The following WWOX variants were observed in gnomAD, a reference collection of about 807,000 sequenced individuals.
WWOX encodes the protein WW domain containing oxidoreductase.
In WWOX, 69 loss-of-function variants were observed where a neutral mutation model predicts 46.2. The observed-to-expected ratio is 1.49, with a 90% CI of 1.23 to 1.82. The LOEUF is 1.82. Ranked by LOEUF, WWOX falls within the 40% of genes most tolerant of loss-of-function variation. The probability of loss-of-function intolerance (pLI) is 0.00; values close to 1 mark genes in which losing one functional copy is unlikely to be tolerated. For synonymous variants in WWOX, 359 were observed against 202.6 expected (o/e 1.77, Z -6.56); for missense variants, 919 against 542.6 (o/e 1.69, Z -6.89).
chr16:78,919,287 G>C (rs903568006), intron 8 of WWOX, among the ~76,000 whole-genome samples: 5 of 151,912 alleles, frequency 3.3e-5, no homozygotes, highest in African/African-American at 1.2e-4. Flanking sequence ...AGATGGCTAA[G>C]CAGAGGCTCA....
chr16:78,602,053 C>T (rs911140731), intron 8 of WWOX, among the ~76,000 whole-genome samples: 8 of 152,148 alleles, frequency 5.3e-5, no homozygotes, highest in African/African-American at 1.9e-4. Flanking sequence ...ATGCAGACTT[C>T]CTTAGGTTCC....
intron 3 of WWOX, among the ~76,000 whole-genome samples, chr16:78,112,974 C>T (rs894440791): frequency 6.6e-6 from 1 of 152,056 alleles, no homozygotes; most frequent in Admixed American, 6.6e-5. Flanking sequence ...CCAAAGCATT[C>T]ATATTACAGG....
intron 8 of WWOX, among the ~76,000 whole-genome samples, chr16:78,803,904 A>T (rs750692789): frequency 6.6e-6 from 1 of 152,154 alleles, no homozygotes; most frequent in Admixed American, 6.5e-5. Flanking sequence ...TCACCAGACA[A>T]ACAGGTGTGT....
At chr16:79,186,938 C>T (rs1276674557) in intron 8 of WWOX, among the ~76,000 whole-genome samples, 1 of 152,172 alleles carries the variant, frequency 6.6e-6, no homozygotes, top group Non-Finnish European at 1.5e-5. Flanking sequence ...CAAAAGTAGA[C>T]ATGTGGAGTG....
chr16:78,794,158 G>C (rs1052681093), intron 8 of WWOX, among the ~76,000 whole-genome samples: 3 of 152,202 alleles, frequency 2.0e-5, no homozygotes, highest in South Asian at 2.1e-4. Flanking sequence ...TTATAAAAGT[G>C]ACCCCAGAAG....
At chr16:78,814,195 C>T (rs745503810) in intron 8 of WWOX, among the ~76,000 whole-genome samples, 19 of 152,152 alleles carry the variant, frequency 1.2e-4, no homozygotes, top group Admixed American at 7.2e-4. Context: ...CATAATAATT[C>T]TGTCTTCTAG....
At chr16:78,935,980 T>C (rs904634493) in intron 8 of WWOX, among the ~76,000 whole-genome samples, 3 of 151,618 alleles carry the variant, frequency 2.0e-5, no homozygotes, top group Non-Finnish European at 4.4e-5. Context: ...TGGAAGGGTG[T>C]GATGGGATTT....
intron 8 of WWOX, among the ~76,000 whole-genome samples, chr16:79,114,132 C>T (rs902672297): frequency 1.3e-5 from 2 of 152,108 alleles, no homozygotes; most frequent in African/African-American, 2.4e-5. Flanking sequence ...CAGATGACTA[C>T]AGAGTTCATG....
rs544644589 is a variant in WWOX, at chr16:78,155,981, T to C, written c.410-8202T>C. On this transcript the variant is annotated intron_variant, in intron 4 of 8. Transcript: ENST00000566780. ...CCTGTTAAACTATCATCTTTTGAAA[T>C]AGCCACGCTTTGTTTCTGTTCCAAA... is the stretch of plus-strand genomic sequence containing the variant. 1.3e-5 allele frequency among the ~76,000 whole-genome samples: 2 copies of C among 152,356 alleles called. 1 individual carries two copies. The highest frequency in any genetic ancestry group is 3.9e-4 in the East Asian group (2 of 5,184).
intron 8 of WWOX, among the ~76,000 whole-genome samples, chr16:78,577,302 G>T (rs1245825737): frequency 6.6e-6 from 1 of 152,160 alleles, no homozygotes; most frequent in Non-Finnish European, 1.5e-5. Context: ...GTATTTGGTG[G>T]TGGTGCAGGG....
At chr16:78,126,993 T>G (rs1378569372) in intron 4 of WWOX, among the ~76,000 whole-genome samples, 1 of 152,198 alleles carries the variant, frequency 6.6e-6, no homozygotes, top group Non-Finnish European at 1.5e-5. Flanking sequence ...TTGCTGAAAA[T>G]AGCTTCGCTG....
intron 8 of WWOX, among the ~76,000 whole-genome samples, chr16:78,789,065 A>T (rs973166501): frequency 6.6e-6 from 1 of 152,212 alleles, no homozygotes; most frequent in African/African-American, 2.4e-5. Flanking sequence ...AGTTTTAACA[A>T]CAAAAGTTTG....
Position 78,424,947 on chromosome 16 carries a change from C to A in WWOX, c.683C>A (p.Thr228Asn). Residue 228 changes from threonine to asparagine, a missense_variant, in exon 7 of 9, where the codon ACC becomes AAC. Physicochemically the swap from Thr to Asn is moderately conservative, Grantham distance 65 (BLOSUM62 0). Coordinates refer to ENST00000566780, the MANE Select transcript of WWOX (RefSeq NM_016373.4). ...CTCACCAAAGATGGCCTGGAGACCA[C>A]CTTTCAAGTGAATCATCTGGGGCAC... ...WSLTKDGLET[T>N]FQVNHLGHFY... 1.2e-6 allele frequency: 2 copies of A among 1,614,142 alleles called. No individual in the cohort carries two copies. Among genetic ancestry groups the A allele is most frequent in the Non-Finnish European group, 8.5e-7 (1 of 1,180,024 alleles).
intron 5 of WWOX, among the ~76,000 whole-genome samples, chr16:78,268,833 A>C (rs2079419527): frequency 6.6e-6 from 1 of 152,070 alleles, no homozygotes; most frequent in Non-Finnish European, 1.5e-5. Flanking sequence ...ATTATTATAC[A>C]TTATTTGAAT....
At chr16:78,710,295 T>C (rs938868820) in intron 8 of WWOX, among the ~76,000 whole-genome samples, 4 of 151,014 alleles carry the variant, frequency 2.6e-5, no homozygotes, top group Admixed American at 6.6e-5. Context: ...TGCAGGGAGA[T>C]TTGTCTCTGA....
intron 8 of WWOX, among the ~76,000 whole-genome samples, chr16:78,876,012 C>T (rs181028479): frequency 6.6e-6 from 1 of 152,126 alleles, no homozygotes. Context: ...CTCCCACCCT[C>T]TCTTATTTTT....
chr16:78,758,653 C>T (rs998930877), intron 8 of WWOX, among the ~76,000 whole-genome samples: 1 of 152,164 alleles, frequency 6.6e-6, no homozygotes, highest in Non-Finnish European at 1.5e-5. Context: ...AGGTTAAGAG[C>T]TCTGGCTTTG....
intron 8 of WWOX, among the ~76,000 whole-genome samples, chr16:78,763,017 G>C (rs1247003485): frequency 2.0e-5 from 3 of 152,158 alleles, no homozygotes; most frequent in Admixed American, 2.0e-4. Context: ...ATATGCAGAG[G>C]GGTAACTGAG....
rs552696627 is a variant in WWOX, at chr16:78,874,684, CTTTTTTTTT to C, written c.1057-336909_1057-336901del. On this transcript the variant is annotated intron_variant, in intron 8 of 8. Transcript: ENST00000566780. The stretch of plus-strand genomic sequence containing the variant: ...GTGTCTGTGACCAGAAGATTTTTTT[CTTTTTTTTT>C]TTTTTTTTTTTTTTGGCTGACTGTC... Among the ~76,000 whole-genome samples, 3 of 83,496 alleles carry C rather than the reference CTTTTTTTTT, an allele frequency of 3.6e-5. No homozygotes were observed. In the Admixed American group the frequency reaches 5.4e-4, roughly 15 times the overall value. 54.8% of individuals were successfully genotyped at this position (83,496 alleles called of 152,430 possible). A position where few individuals can be genotyped will look rare whatever the true frequency, so the allele number is the denominator to read the frequency against.
Sources: gnomAD v4.1 joint callset for allele counts (sites outside exome capture counted in the v4.1 genomes callset) on GRCh38, gnomAD v4.1.1 for gene constraint, MANE v1.5 for transcripts, NCBI Gene and HGNC (gene_info 2026-07-23, HGNC 2026-07-21) for gene names.